The following GART variants were observed in gnomAD, a reference collection of about 807,000 sequenced individuals.
GART encodes phosphoribosylglycinamide formyltransferase, phosphoribosylglycinamide synthetase, phosphoribosylaminoimidazole synthetase.
A neutral mutation model predicts 107.2 loss-of-function variants in GART; 43 were observed. The ratio of observed to expected loss-of-function variants is 0.40; its 90% CI spans 0.31 to 0.52. The LOEUF is 0.52. GART is among the 20% of genes least tolerant of loss of function. The probability of loss-of-function intolerance (pLI) is 0.52; values close to 1 mark genes in which losing one functional copy is unlikely to be tolerated. For synonymous variants in GART, 434 were observed against 427.0 expected, an observed-to-expected ratio of 1.02 and a Z score of -0.20; for missense variants, 1,107 against 1,206.5, an observed-to-expected ratio of 0.92 and a Z score of 1.22.
chr21:33,541,823 A>G (rs891005393), intron 1 of GART, among the ~76,000 whole-genome samples: 6 of 152,240 alleles, frequency 3.9e-5, no homozygotes, highest in Non-Finnish European at 7.3e-5. Context: ...GTTATGTCCT[A>G]AAAATGTATA....
At chr21:33,515,652 C>CAAAAAAAAA (rs71194850) in intron 16 of GART, among the ~76,000 whole-genome samples, 7 of 35,830 alleles carry the variant, frequency 2.0e-4, no homozygotes, top group Admixed American at 3.6e-4. Context: ...GACTCCAACT[C>CAAAAAAAAA]AAAAAAAAAA....
chr21:33,506,893 T>C (rs1396110800), intron 18 of GART, among the ~76,000 whole-genome samples: 1 of 152,152 alleles, frequency 6.6e-6, no homozygotes, highest in African/African-American at 2.4e-5. Context: ...AAATGGCTTT[T>C]ATCCAAAACA....
At chr21:33,536,159 T>C (rs756610921) in intron 2 of GART, among the ~76,000 whole-genome samples, 1 of 152,088 alleles carries the variant, frequency 6.6e-6, no homozygotes, top group African/African-American at 2.4e-5. Flanking sequence ...TTAAGCAAAT[T>C]TGATATGAAG....
At chr21:33,525,800 T>G (rs2085062477) in intron 10 of GART, among the ~76,000 whole-genome samples, 1 of 152,056 alleles carries the variant, frequency 6.6e-6, no homozygotes, top group Non-Finnish European at 1.5e-5. Flanking sequence ...AGCAATTGTT[T>G]AATGAGGAAA....
chr21:33,520,390 C>T lies in GART; in HGVS notation c.1676G>A (p.Cys559Tyr). Residue 559 changes from cysteine (C) to tyrosine (Y), a missense_variant, in exon 14 of 22, where the codon TGT (cysteine) becomes TAT (tyrosine). By Grantham distance (194) the Cys-to-Tyr change is radical. Transcript: ENST00000381815. The stretch of plus-strand genomic sequence containing the variant: ...AAGGAGAGCACATCCAGCTTTTCCA[C>T]AAGCTTTAGCAATTCCAGCAACAAC... ...EAVVAGIAKA[C>Y]GKAGCALLGG... 6.2e-7 allele frequency: 1 copy of T among 1,614,146 alleles called. No homozygotes were observed. Among genetic ancestry groups the T allele is most frequent in the South Asian group, 1.1e-5 (1 of 91,084 alleles).
At chr21:33,505,843 A>G in intron 19 of GART, 131 bp downstream of exon 19, 1 of 1,406,632 alleles carries the variant, frequency 7.1e-7, no homozygotes. Flanking sequence ...GACAGGATGA[A>G]GAAGGCAAGC....
intron 6 of GART, 92 bp from the exon 7 acceptor site, chr21:33,530,976 CTTT>C (rs539400934): frequency 1.6e-5 from 18 of 1,160,198 alleles, no homozygotes; most frequent in East Asian, 6.5e-5. Flanking sequence ...CTTAATTCTT[CTTT>C]GAGGAAAAGT....
intron 2 of GART, among the ~76,000 whole-genome samples, chr21:33,538,798 T>A (rs2085351886): frequency 6.6e-6 from 1 of 152,194 alleles, no homozygotes; most frequent in Non-Finnish European, 1.5e-5. Context: ...TATTTTATTT[T>A]GAGATGGAGT....
chr21:33,528,663 G>A lies in GART; in HGVS notation c.812-59C>T, dbSNP rs1468990140. The A allele has an allele frequency of 1.7e-5, 20 of 1,160,508 alleles. No homozygotes were observed. In the Middle Eastern group the frequency reaches 8.7e-4, roughly 50 times the overall value. 71.9% of individuals were successfully genotyped at this position (1,160,508 alleles called of 1,614,324 possible). Reference sequence around the variant, plus strand: ...AAAGAAAATCTATGATGAAGACACTGTATTACAAATATAAAATCTACTACA... The same window carrying A: ...AAAGAAAATCTATGATGAAGACACTATATTACAAATATAAAATCTACTACA... On this transcript the variant is annotated intron_variant, in intron 8 of 21. Coordinates refer to ENST00000381815, the MANE Select transcript of GART (RefSeq NM_000819.5).
intron 11 of GART, 62 bp downstream of exon 11, chr21:33,524,707 C>T (rs1456966470): frequency 5.0e-5 from 80 of 1,606,808 alleles, no homozygotes; most frequent in Non-Finnish European, 6.0e-5. Flanking sequence ...ATGAAATGTT[C>T]TACATAGCCA....
intron 14 of GART, among the ~76,000 whole-genome samples, chr21:33,519,916 C>G (rs953000028): frequency 2.7e-5 from 4 of 150,790 alleles, no homozygotes; most frequent in African/African-American, 9.8e-5. Context: ...TATAAAGATA[C>G]TTCTATAAAA....
At chr21:33,513,713 G>C (rs1419891344) in intron 16 of GART, among the ~76,000 whole-genome samples, 1 of 152,118 alleles carries the variant, frequency 6.6e-6, no homozygotes, top group African/African-American at 2.4e-5. Context: ...GCTCTCAATA[G>C]TTAAAAGTAA....
chr21:33,515,209 C>T (rs1016593298), intron 16 of GART, among the ~76,000 whole-genome samples: 11 of 152,326 alleles, frequency 7.2e-5, no homozygotes, highest in Non-Finnish European at 1.3e-4. Flanking sequence ...TTCAAGCTCC[C>T]ACCCCAGGCC....
At position 33,535,728 on chromosome 21, in the gene GART, G is replaced by GT. The variant is rs199714429; in HGVS notation, c.146-409dup. 7.7e-3 allele frequency among the ~76,000 whole-genome samples: 1,173 copies of GT among 152,290 alleles called. 15 individuals carry two copies. Among genetic ancestry groups the GT allele is most frequent in the African/African-American group, 0.027 (1,106 of 41,556 alleles). ...GTGCTAAGTACTGTCCTCAGCACTG[G>GT]TATTAAGATGTCAACACGGCGGGGC... On this transcript the variant is annotated intron_variant, in intron 2 of 21. Transcript: ENST00000381815.
chr21:33,520,287 C>T (rs763830798), intron 14 of GART, 77 bp downstream of exon 14: 2 of 1,245,868 alleles, frequency 1.6e-6, no homozygotes, highest in Non-Finnish European at 2.3e-6. Context: ...GCTACATTGG[C>T]ACTGATCACA....
chr21:33,532,736 G>C (rs1463787538), intron 4 of GART, among the ~76,000 whole-genome samples: 1 of 152,124 alleles, frequency 6.6e-6, no homozygotes, highest in Non-Finnish European at 1.5e-5. Flanking sequence ...GATGTATAGA[G>C]TAGATATGGC....
chr21:33,531,274 C>A, intron 6 of GART: 1 of 526,246 alleles, frequency 1.9e-6, no homozygotes, highest in East Asian at 2.9e-5. Context: ...TGTGTAAGTC[C>A]AAGTGCCCCC....
chr21:33,528,927 T>C lies in GART; in HGVS notation c.734A>G (p.Asp245Gly). 6.2e-7 allele frequency: 1 copy of C among 1,610,336 alleles called. No individual in the cohort carries two copies. Among genetic ancestry groups the C allele is most frequent in the Middle Eastern group, 1.7e-4 (1 of 6,056 alleles). The change falls in exon 8 of 22, where the codon GAT becomes GGT. Residue 245 changes from aspartate to glycine, a missense_variant. Physicochemically the swap from Asp to Gly is moderately conservative, Grantham distance 94. Coordinates refer to ENST00000381815, the MANE Select transcript of GART (RefSeq NM_000819.5). ...AGTATCTTTAATTTTTAGTAATAGA[T>C]CATTAGAAACCTGGAGAACGTGCAG... ...AYCPAPQVSN[D>G]LLLKIKDTVL...
intron 12 of GART, 48 bp downstream of exon 12, chr21:33,522,140 A>G: frequency 7.4e-7 from 1 of 1,354,288 alleles, no homozygotes; most frequent in Non-Finnish European, 1.1e-6. Context: ...AAATCCATTC[A>G]CAATGTATAT....
Sources: allele counts gnomAD v4.1 joint callset (sites outside exome capture counted in the v4.1 genomes callset), GRCh38; gene constraint gnomAD v4.1.1; transcripts MANE v1.5; gene names NCBI Gene and HGNC (gene_info 2026-07-23, HGNC 2026-07-21).